The following DPYSL3 variants were observed in gnomAD, a reference collection of about 807,000 sequenced individuals.
The protein encoded by DPYSL3 is dihydropyrimidinase like 3, also known as dihydropyrimidinase-related protein 3.
DPYSL3 carries 16 observed loss-of-function variants against 66.1 expected under a neutral mutation model. The ratio of observed to expected loss-of-function variants is 0.24; its 90% confidence interval spans 0.16 to 0.37. The LOEUF (loss-of-function observed/expected upper bound fraction) is 0.37. Ranked by LOEUF, DPYSL3 falls within the 10% of genes least tolerant of loss-of-function variation. The probability of loss-of-function intolerance (pLI) is 1.00; values close to 1 mark genes in which losing one functional copy is unlikely to be tolerated. For missense variants in DPYSL3, 738 were observed against 916.2 expected (o/e 0.81, Z 2.51); for synonymous variants, 338 against 345.1 (o/e 0.98, Z 0.23).
At chr5:147,484,611 C>T (rs1387568497) in intron 1 of DPYSL3, among the ~76,000 whole-genome samples, 2 of 152,178 alleles carry the variant, frequency 1.3e-5, no homozygotes, top group Non-Finnish European at 2.9e-5. Context: ...GTGCAAGCTA[C>T]ACAGTGTAGA....
At chr5:147,499,298 A>G (rs1753567751) in intron 1 of DPYSL3, among the ~76,000 whole-genome samples, 1 of 152,176 alleles carries the variant, frequency 6.6e-6, no homozygotes, top group Admixed American at 6.6e-5. Flanking sequence ...GATTATAGCA[A>G]GGTTGCAGGA....
intron 1 of DPYSL3, among the ~76,000 whole-genome samples, chr5:147,490,887 C>T (rs189436833): frequency 3.9e-5 from 6 of 152,242 alleles, no homozygotes; most frequent in East Asian, 3.9e-4. Context: ...CAGGGTGGTG[C>T]GGCAGGAGCA....
intron 1 of DPYSL3, among the ~76,000 whole-genome samples, chr5:147,427,443 T>A (rs1019738998): frequency 6.6e-6 from 1 of 152,156 alleles, no homozygotes; most frequent in African/African-American, 2.4e-5. Flanking sequence ...TATATCCACA[T>A]GATGTAAAGG....
intron 1 of DPYSL3, among the ~76,000 whole-genome samples, chr5:147,448,108 T>C (rs1048916821): frequency 6.6e-6 from 1 of 152,148 alleles, no homozygotes. Context: ...TGGTTGTTGT[T>C]CTTTTCAAAT....
intron 7 of DPYSL3, among the ~76,000 whole-genome samples, chr5:147,406,454 A>T (rs542597979): frequency 6.6e-6 from 1 of 152,306 alleles, no homozygotes; most frequent in Non-Finnish European, 1.5e-5. Flanking sequence ...CCTCGGGTAC[A>T]TTGCACAACC....
chr5:147,453,340 C>CTTTGT (rs1284768491), intron 1 of DPYSL3, among the ~76,000 whole-genome samples: 2 of 152,160 alleles, frequency 1.3e-5, no homozygotes, highest in African/African-American at 4.8e-5. Context: ...TGGGTTTCCT[C>CTTTGT]TTTGTTTTGT....
intron 1 of DPYSL3, among the ~76,000 whole-genome samples, chr5:147,467,342 C>T (rs1243126144): frequency 1.3e-5 from 2 of 152,118 alleles, no homozygotes; most frequent in African/African-American, 4.8e-5. Flanking sequence ...TGGGTTGATT[C>T]ATTTGAAAGG....
At position 147,510,008 on chromosome 5, in the gene DPYSL3, T is replaced by C. The variant is rs1321746708; in HGVS notation, c.-150A>G. The stretch of plus-strand genomic sequence containing the variant: ...GCGGCAGTGCTGCTCCGATTCCTGC[T>C]TGTCCCTAGCGAGCCAGCGAGCCAC... On this transcript the variant is annotated 5_prime_UTR_variant, in exon 1 of 14. Transcript: ENST00000343218. 30 of 1,292,498 alleles carry C rather than the reference T, an allele frequency of 2.3e-5. No individual in the cohort carries two copies. The South Asian group carries it at 3.8e-4, about 17-fold the overall frequency. The allele number at this position is 1,292,498 out of a possible 1,614,324, so 80.1% of individuals were successfully genotyped here.
intron 1 of DPYSL3, among the ~76,000 whole-genome samples, chr5:147,463,163 A>G (rs1215535235): frequency 6.6e-6 from 1 of 152,154 alleles, no homozygotes; most frequent in Non-Finnish European, 1.5e-5. Context: ...CCTTTCTGTT[A>G]GCACACACCT....
At chr5:147,493,050 T>G (rs1251391739) in intron 1 of DPYSL3, among the ~76,000 whole-genome samples, 2 of 152,160 alleles carry the variant, frequency 1.3e-5, no homozygotes, top group African/African-American at 4.8e-5. Context: ...CTATATTAAT[T>G]TCATCCAGAA....
Position 147,395,550 on chromosome 5 carries a change from C to G in DPYSL3, c.1966+9G>C. 6.2e-7 allele frequency: 1 copy of G among 1,606,990 alleles called. No individual in the cohort carries two copies. The highest frequency in any genetic ancestry group is 8.5e-7 in the Non-Finnish European group (1 of 1,176,538). On this transcript the variant is annotated intron_variant, in intron 13 of 13. Coordinates refer to ENST00000343218, the MANE Select transcript of DPYSL3 (RefSeq NM_001197294.2). Reference sequence around the variant, plus strand: ...TTCTCTTATCTTTTGATGAGCCTGTCCCACTCACCTGACAGGCTAAATCCC... The same window carrying G: ...TTCTCTTATCTTTTGATGAGCCTGTGCCACTCACCTGACAGGCTAAATCCC...
At chr5:147,447,373 G>A (rs1345614485) in intron 1 of DPYSL3, among the ~76,000 whole-genome samples, 1 of 152,168 alleles carries the variant, frequency 6.6e-6, no homozygotes, top group African/African-American at 2.4e-5. Flanking sequence ...GGATACCTGT[G>A]TTTCGTATAT....
intron 8 of DPYSL3, among the ~76,000 whole-genome samples, chr5:147,404,411 T>C (rs1048684421): frequency 6.6e-6 from 1 of 152,250 alleles, no homozygotes; most frequent in Non-Finnish European, 1.5e-5. Context: ...CAGCGTCAGC[T>C]GAGACTATTT....
chr5:147,480,703 A>ATTAT (rs1554116785), intron 1 of DPYSL3, among the ~76,000 whole-genome samples: 36 of 142,464 alleles, frequency 2.5e-4, no homozygotes, highest in Admixed American at 4.3e-4. Flanking sequence ...GAATATATAT[A>ATTAT]TATTATTATT....
At chr5:147,443,049 A>T (rs1225742266) in intron 1 of DPYSL3, among the ~76,000 whole-genome samples, 1 of 152,226 alleles carries the variant, frequency 6.6e-6, no homozygotes, top group Non-Finnish European at 1.5e-5. Flanking sequence ...TAGCAAAAAC[A>T]CTAATTAGGT....
intron 4 of DPYSL3, among the ~76,000 whole-genome samples, chr5:147,414,229 G>C (rs908431453): frequency 2.0e-5 from 3 of 152,228 alleles, no homozygotes; most frequent in Middle Eastern, 3.2e-3. Context: ...CCTGGGATCA[G>C]TTCATTTTAC....
chr5:147,414,173 C>G (rs1647982738), intron 4 of DPYSL3, among the ~76,000 whole-genome samples: 1 of 152,174 alleles, frequency 6.6e-6, no homozygotes, highest in Non-Finnish European at 1.5e-5. Flanking sequence ...ATACAGAGCT[C>G]TTAGCACCAG....
At chr5:147,406,003 T>A (rs372200676) in intron 7 of DPYSL3, 115 of 273,022 alleles carry the variant, frequency 4.2e-4, no homozygotes, top group African/African-American at 2.3e-3. Flanking sequence ...GGTAAGTACT[T>A]TTTCCTTAGC....
At chr5:147,465,897 G>A (rs971202281) in intron 1 of DPYSL3, among the ~76,000 whole-genome samples, 1 of 152,082 alleles carries the variant, frequency 6.6e-6, no homozygotes, top group Admixed American at 6.5e-5. Context: ...CACAGATGTC[G>A]ATCCAGGAAC....
Sources: gnomAD v4.1 joint callset for allele counts (sites outside exome capture counted in the v4.1 genomes callset) on GRCh38, gnomAD v4.1.1 for gene constraint, MANE v1.5 for transcripts, NCBI Gene and HGNC (gene_info 2026-07-23, HGNC 2026-07-21) for gene names.